Variants in SDCCAG8 observed in about 807,000 individuals in gnomAD.
SDCCAG8 encodes the protein serologically defined colon cancer antigen 8.
SDCCAG8 carries 74 observed loss-of-function variants against 101.8 expected under a neutral mutation model. That is an observed-to-expected ratio of 0.73 (90% CI 0.60 to 0.88). The LOEUF (loss-of-function observed/expected upper bound fraction) is 0.88. SDCCAG8 is among the 40% of genes least tolerant of loss of function. The pLI is 0.00. For synonymous variants in SDCCAG8, 281 were observed against 292.9 expected, an observed-to-expected ratio of 0.96 and a Z score of 0.41; for missense variants, 787 against 822.6, an observed-to-expected ratio of 0.96 and a Z score of 0.53.
rs570127429 is a variant in SDCCAG8, at chr1:243,435,884, AT to A, written c.1985+9333del. Among the ~76,000 whole-genome samples the A allele has an allele frequency of 3.9e-5, 6 of 152,102 alleles. No homozygotes were observed. In the South Asian group the frequency reaches 1.0e-3, roughly 26 times the overall value. On this transcript the variant is annotated intron_variant, in intron 16 of 17. Coordinates refer to ENST00000366541, the MANE Select transcript of SDCCAG8 (RefSeq NM_006642.5). ...TTAGGAATAAGGAACACTCTAAAAA[AT>A]TTTTTTATGCAAGTTTTAGGTTCAC... is the stretch of plus-strand genomic sequence containing the variant.
chr1:243,300,143 G>C (rs148763430), intron 6 of SDCCAG8, among the ~76,000 whole-genome samples: 1 of 151,802 alleles, frequency 6.6e-6, no homozygotes, highest in Non-Finnish European at 1.5e-5. Context: ...GATTACAGGC[G>C]TGAGCCACTG....
chr1:243,323,714 C>T (rs1460429910), intron 9 of SDCCAG8, among the ~76,000 whole-genome samples: 1 of 152,170 alleles, frequency 6.6e-6, no homozygotes, highest in Non-Finnish European at 1.5e-5. Context: ...CAAACTGTAG[C>T]CTGATTTTAT....
intron 3 of SDCCAG8, among the ~76,000 whole-genome samples, chr1:243,274,254 T>C (rs950926705): frequency 6.6e-6 from 1 of 152,174 alleles, no homozygotes; most frequent in African/African-American, 2.4e-5. Context: ...AAGAACTCAT[T>C]ATCATGAGGA....
intron 10 of SDCCAG8, among the ~76,000 whole-genome samples, chr1:243,335,697 G>T (rs1034539341): frequency 1.3e-5 from 2 of 151,752 alleles, no homozygotes; most frequent in African/African-American, 4.8e-5. Context: ...TGTGTATATC[G>T]CATGATGCTG....
Position 243,338,415 on chromosome 1 carries a change from ACTTTT to A in SDCCAG8, c.1222-2618_1222-2614del, listed in dbSNP as rs555454831. 1.5e-3 allele frequency among the ~76,000 whole-genome samples: 222 copies of A among 148,054 alleles called. 4 individuals carry two copies. Among genetic ancestry groups the A allele is most frequent in the Admixed American group, 0.014 (206 of 14,944 alleles). ...TCTATGTTTTTTTTATTCCTCCCTT[ACTTTT>A]CTTTTTTTTTTTTTTAAATTCCATT... On this transcript the variant is annotated intron_variant, in intron 10 of 17. Coordinates refer to ENST00000366541, the MANE Select transcript of SDCCAG8 (RefSeq NM_006642.5).
At position 243,270,013 on chromosome 1, in the gene SDCCAG8, G is replaced by T. The variant is rs2067957128; in HGVS notation, c.68-92G>T. The T allele has an allele frequency of 1.9e-6, 3 of 1,558,612 alleles. No individual in the cohort carries two copies. The Admixed American group carries it at 5.1e-5, about 27-fold the overall frequency. ...TTTTCCATAAAGTACGAGAAATAAT[G>T]ATTTCACCTTTAAAAACTGCCTTCC... On this transcript the variant is annotated intron_variant, in intron 1 of 17. Coordinates refer to ENST00000366541, the MANE Select transcript of SDCCAG8 (RefSeq NM_006642.5).
At position 243,495,197 on chromosome 1, in the gene SDCCAG8, G is replaced by A. The variant is rs1042745263; in HGVS notation, c.2113-4559G>A. Among the ~76,000 whole-genome samples, 4 of 152,208 alleles carry A rather than the reference G, an allele frequency of 2.6e-5. No individual in the cohort carries two copies. The East Asian group carries it at 7.7e-4, about 29-fold the overall frequency. ...GGACAGGTGGCACCGCAGAGCCAGGGCCTCCACCCCGGCCTCATGTGTGCT... is the reference window on the plus strand; with the variant it reads ...GGACAGGTGGCACCGCAGAGCCAGGACCTCCACCCCGGCCTCATGTGTGCT... On this transcript the variant is annotated intron_variant, in intron 17 of 17. Transcript: ENST00000366541.
intron 12 of SDCCAG8, among the ~76,000 whole-genome samples, chr1:243,350,202 T>C (rs1417297688): frequency 6.6e-6 from 1 of 152,012 alleles, no homozygotes; most frequent in Non-Finnish European, 1.5e-5. Flanking sequence ...TAAAAGTCAG[T>C]CCTTTTTTCT....
intron 12 of SDCCAG8, among the ~76,000 whole-genome samples, chr1:243,352,828 G>T (rs1315608793): frequency 1.3e-5 from 2 of 151,906 alleles, no homozygotes; most frequent in African/African-American, 4.8e-5. Context: ...TTCTAGTTTT[G>T]GTTTTTGCTT....
rs568769055 is a variant in SDCCAG8, at chr1:243,270,421, C to T, written c.220+164C>T. 9.8e-5 allele frequency among the ~76,000 whole-genome samples: 15 copies of T among 152,322 alleles called. No homozygotes were observed. In the East Asian group the frequency reaches 1.2e-3, roughly 12 times the overall value. On this transcript the variant is annotated intron_variant, in intron 2 of 17. Coordinates refer to ENST00000366541, the MANE Select transcript of SDCCAG8 (RefSeq NM_006642.5). ...GCTTAATCTTGTTTTCCTTTGACTTCCCAATGCTTATAGGCTAAAGTCCAA... is the reference window on the plus strand; with the variant it reads ...GCTTAATCTTGTTTTCCTTTGACTTTCCAATGCTTATAGGCTAAAGTCCAA...
intron 16 of SDCCAG8, among the ~76,000 whole-genome samples, chr1:243,487,599 C>T (rs1026891788): frequency 6.6e-6 from 1 of 152,020 alleles, no homozygotes; most frequent in African/African-American, 2.4e-5. Flanking sequence ...TGCCCAGGCT[C>T]CAAAGAGGCG....
chr1:243,449,472 A>T (rs752122125), intron 16 of SDCCAG8, among the ~76,000 whole-genome samples: 7 of 152,180 alleles, frequency 4.6e-5, no homozygotes, highest in Non-Finnish European at 8.8e-5. Flanking sequence ...GATGAAGGAG[A>T]TAGCATAGAC....
At chr1:243,423,813 A>G (rs933662106) in intron 15 of SDCCAG8, among the ~76,000 whole-genome samples, 2 of 152,112 alleles carry the variant, frequency 1.3e-5, no homozygotes, top group Non-Finnish European at 2.9e-5. Context: ...GGACTAAGTA[A>G]TATCTGGGCT....
chr1:243,443,288 C>T (rs1161007497), intron 16 of SDCCAG8, among the ~76,000 whole-genome samples: 7 of 152,102 alleles, frequency 4.6e-5, no homozygotes, highest in Admixed American at 1.3e-4. Context: ...ACAAAAAGGG[C>T]GAAGAAGATG....
chr1:243,445,097 TAACA>T (rs952662994), intron 16 of SDCCAG8, among the ~76,000 whole-genome samples: 77 of 152,340 alleles, frequency 5.1e-4, no homozygotes, highest in African/African-American at 1.8e-3. Flanking sequence ...CTCACATTAA[TAACA>T]AACATATTTT....
At chr1:243,463,899 C>T (rs1027163263) in intron 16 of SDCCAG8, among the ~76,000 whole-genome samples, 4 of 151,940 alleles carry the variant, frequency 2.6e-5, no homozygotes, top group Admixed American at 6.6e-5. Context: ...AAATACCCAT[C>T]CAAGGGATGG....
intron 13 of SDCCAG8, among the ~76,000 whole-genome samples, chr1:243,407,478 CTG>C (rs1044637939): frequency 6.6e-5 from 10 of 152,078 alleles, no homozygotes; most frequent in Admixed American, 1.3e-4. Flanking sequence ...GCGCTAGTAA[CTG>C]GAGTTGATAG....
intron 14 of SDCCAG8, 39 bp from the exon 15 acceptor site, chr1:243,417,929 A>G (rs759040977): frequency 1.4e-6 from 2 of 1,455,202 alleles, no homozygotes; most frequent in African/African-American, 2.8e-5. Flanking sequence ...CGACAACCAT[A>G]AACATCTTAT....
intron 6 of SDCCAG8, among the ~76,000 whole-genome samples, chr1:243,304,308 T>A (rs1282842754): frequency 6.6e-6 from 1 of 152,234 alleles, no homozygotes; most frequent in African/African-American, 2.4e-5. Flanking sequence ...TCTATCATCA[T>A]GTGATATAAA....
Sources: allele counts gnomAD v4.1 joint callset (sites outside exome capture counted in the v4.1 genomes callset), GRCh38; gene constraint gnomAD v4.1.1; transcripts MANE v1.5; gene names NCBI Gene and HGNC (gene_info 2026-07-23, HGNC 2026-07-21).